ZRANB1: variants seen among roughly 807,000 people sequenced by gnomAD.
ZRANB1 encodes ubiquitin thioesterase ZRANB1.
In ZRANB1, 16 loss-of-function variants were observed where a neutral mutation model predicts 80.5. The observed-to-expected ratio is 0.20, with a 90% CI of 0.13 to 0.30. The LOEUF (loss-of-function observed/expected upper bound fraction) is 0.30, where lower values mean the gene tolerates loss of function less well. Among genes scored for constraint, ZRANB1 ranks in the 10% least tolerant of loss-of-function variants. The probability of loss-of-function intolerance (pLI) is 1.00; values close to 1 mark genes in which losing one functional copy is unlikely to be tolerated. For synonymous variants in ZRANB1, 291 were observed against 293.1 expected (o/e 0.99, Z 0.07); for missense variants, 576 against 862.6 (o/e 0.67, Z 4.16).
At chr10:124,925,655 T>G in the ZRANB1 span, among the ~76,000 whole-genome samples, 2 of 152,294 alleles carry the variant, frequency 1.3e-5, no homozygotes, top group East Asian at 3.9e-4. Flanking sequence ...GTCATGACAA[T>G]TTATGTTTTC....
At chr10:124,952,550 G>A (rs1290718455) in intron 1 of ZRANB1, among the ~76,000 whole-genome samples, 1 of 152,114 alleles carries the variant, frequency 6.6e-6, no homozygotes, top group Non-Finnish European at 1.5e-5. Flanking sequence ...CACTAAGGTT[G>A]TAATCATTGT....
At chr10:124,966,995 TG>T (rs1371837831) in intron 2 of ZRANB1, among the ~76,000 whole-genome samples, 2 of 152,262 alleles carry the variant, frequency 1.3e-5, no homozygotes, top group African/African-American at 4.8e-5. Flanking sequence ...TGACTCATCA[TG>T]TTTGGTTCAT....
chr10:124,921,989 A>G, the ZRANB1 span, among the ~76,000 whole-genome samples: 2 of 151,920 alleles, frequency 1.3e-5, no homozygotes, highest in Non-Finnish European at 2.9e-5. Flanking sequence ...TTTTTGACAC[A>G]GGGTCTTGCT....
At chr10:124,963,554 G>GTTTTTTTTTTTTTTTT (rs760813299) in intron 1 of ZRANB1, among the ~76,000 whole-genome samples, 59 of 57,482 alleles carry the variant, frequency 1.0e-3, no homozygotes, top group East Asian at 1.4e-3. Flanking sequence ...TTTTTTGTTT[G>GTTTTTTTTTTTTTTTT]TTTTTTTTTT....
At chr10:124,980,249 C>G (rs1951920494) in intron 5 of ZRANB1, among the ~76,000 whole-genome samples, 1 of 152,128 alleles carries the variant, frequency 6.6e-6, no homozygotes. Context: ...GTTTGCTTGT[C>G]TGTTCTTATG....
At chr10:124,939,559 GATAAC>G (rs1486776585), upstream of ZRANB1, among the ~76,000 whole-genome samples, 1 of 152,170 alleles carries the variant, frequency 6.6e-6, no homozygotes, top group African/African-American at 2.4e-5. Context: ...GATTAGCTAA[GATAAC>G]ATAAGGTTAC....
chr10:124,942,532 T>C lies in ZRANB1; in HGVS notation c.39T>C (p.Cys13=). The part of the protein sequence containing the change: ...ERGIKWACEY[C]TYENWPSAIK... ...GAATTAAGTGGGCTTGTGAATATTG[T>C]ACGTATGAAAACTGGCCATCTGCAA... The change falls in exon 1 of 9, where the codon TGT becomes TGC. Residue 13 remains cysteine (C), a synonymous_variant. Transcript: ENST00000359653. 1 of 1,614,202 alleles carries C rather than the reference T, an allele frequency of 6.2e-7. No individual in the cohort carries two copies. Among genetic ancestry groups the C allele is most frequent in the Non-Finnish European group, 8.5e-7 (1 of 1,180,040 alleles).
Position 124,942,876 on chromosome 10 carries a change from G to C in ZRANB1, c.383G>C (p.Arg128Thr), listed in dbSNP as rs1260156291. ...ESPQSSGSGSRPVAFSVDPCE... is the reference protein window; with the variant it reads ...ESPQSSGSGSTPVAFSVDPCE... The stretch of plus-strand genomic sequence containing the variant: ...CCTCAGTCCTCAGGATCTGGCTCAA[G>C]ACCAGTTGCTTTTTCTGTTGATCCT... Residue 128 changes from arginine (R) to threonine (T), a missense_variant, in exon 1 of 9, where the codon AGA becomes ACA. Coordinates refer to ENST00000359653, the MANE Select transcript of ZRANB1 (RefSeq NM_017580.3). 1 of 1,614,078 alleles carries C rather than the reference G, an allele frequency of 6.2e-7. No individual in the cohort carries two copies. Among genetic ancestry groups the C allele is most frequent in the Non-Finnish European group, 8.5e-7 (1 of 1,180,044 alleles).
At chr10:124,947,980 T>C (rs1487256596) in intron 1 of ZRANB1, among the ~76,000 whole-genome samples, 3 of 152,194 alleles carry the variant, frequency 2.0e-5, no homozygotes, top group Non-Finnish European at 4.4e-5. Context: ...TACAAGGCCA[T>C]CTACATGCTC....
intron 1 of ZRANB1, among the ~76,000 whole-genome samples, chr10:124,959,751 C>T (rs115053800): frequency 1.5e-3 from 223 of 152,270 alleles, no homozygotes; most frequent in African/African-American, 5.1e-3. Flanking sequence ...TGAGCCACTG[C>T]GCCCAGCCTA....
chr10:124,982,588 T>C (rs1951947500), intron 6 of ZRANB1, among the ~76,000 whole-genome samples: 1 of 152,182 alleles, frequency 6.6e-6, no homozygotes, highest in South Asian at 2.1e-4. Context: ...TACTCCTTTT[T>C]TTTTGCAGAA....
intron 3 of ZRANB1, 47 bp from the exon 4 acceptor site, chr10:124,973,587 ATAAGTTAAGTG>A (rs1951846719): frequency 6.9e-7 from 1 of 1,457,124 alleles, no homozygotes; most frequent in South Asian, 1.2e-5. Flanking sequence ...GTAATTAAGT[ATAAGTTAAGTG>A]TAAGTTATGA....
At chr10:124,945,827 G>T (rs1252136174) in intron 1 of ZRANB1, 1 of 151,940 alleles carries the variant, frequency 6.6e-6, no homozygotes, top group Non-Finnish European at 1.5e-5. Context: ...AGACAGGGTC[G>T]CGAGGCTGGA....
In ZRANB1 at chr10:124,988,099, A is replaced by G. The variant is rs1952121295; in HGVS notation, c.*3107A>G. The G allele has an allele frequency of 2.0e-5, 3 of 152,536 alleles. No homozygotes were observed. Among genetic ancestry groups the G allele is most frequent in the East Asian group, 3.9e-4 (2 of 5,192 alleles). 9.4% of individuals were successfully genotyped at this position (152,536 alleles called of 1,614,324 possible). A position where few individuals can be genotyped will look rare whatever the true frequency, so the allele number is the denominator to read the frequency against. On this transcript the variant is annotated 3_prime_UTR_variant, in exon 9 of 9. Coordinates refer to ENST00000359653, the MANE Select transcript of ZRANB1 (RefSeq NM_017580.3). The stretch of plus-strand genomic sequence containing the variant: ...TTTTGAATTGATTTAGCACTAACCC[A>G]CCATTGCATCTTAAGGATGGCATGA...
upstream of ZRANB1, among the ~76,000 whole-genome samples, chr10:124,940,833 C>T (rs553147192): frequency 8.6e-5 from 13 of 151,956 alleles, no homozygotes; most frequent in South Asian, 2.3e-3. Flanking sequence ...AAAAATTAGC[C>T]GGGCATGGTG....
intron 5 of ZRANB1, among the ~76,000 whole-genome samples, chr10:124,977,303 A>G (rs1310453659): frequency 1.3e-5 from 2 of 150,514 alleles, no homozygotes; most frequent in African/African-American, 4.9e-5. Context: ...CTTTTTTTAA[A>G]AAGACATTTG....
At chr10:124,973,952 ATT>A (rs1260844327) in intron 4 of ZRANB1, among the ~76,000 whole-genome samples, 1 of 152,218 alleles carries the variant, frequency 6.6e-6, no homozygotes, top group Non-Finnish European at 1.5e-5. Flanking sequence ...GAATGTATAT[ATT>A]TCTATATGAA....
chr10:124,982,499 C>G (rs1335816329), intron 6 of ZRANB1, among the ~76,000 whole-genome samples: 2 of 152,084 alleles, frequency 1.3e-5, no homozygotes, highest in Non-Finnish European at 2.9e-5. Flanking sequence ...TAGGGTTGTC[C>G]CTTAGACTCT....
the ZRANB1 span, among the ~76,000 whole-genome samples, chr10:124,922,117 A>T: frequency 6.6e-6 from 1 of 151,326 alleles, no homozygotes; most frequent in Non-Finnish European, 1.5e-5. Flanking sequence ...TTTTAAAAAA[A>T]TTTTTTGTAG....
Sources: gnomAD v4.1 joint callset for allele counts (sites outside exome capture counted in the v4.1 genomes callset) on GRCh38, gnomAD v4.1.1 for gene constraint, MANE v1.5 for transcripts, NCBI Gene and HGNC (gene_info 2026-07-23, HGNC 2026-07-21) for gene names.